The following NEGR1 variants were observed in gnomAD, a reference collection of about 807,000 sequenced individuals.
NEGR1 encodes the protein IgLON family member 4.
In NEGR1, 10 loss-of-function variants were observed where a neutral mutation model predicts 40.9. That is an observed-to-expected ratio of 0.24 (90% confidence interval 0.15 to 0.42). The LOEUF is 0.42. Among genes scored for constraint, NEGR1 ranks in the 10% least tolerant of loss-of-function variants. The probability of loss-of-function intolerance (pLI) is 1.00; values close to 1 mark genes in which losing one functional copy is unlikely to be tolerated. For missense variants in NEGR1, 352 were observed against 438.9 expected (o/e 0.80, Z 1.77); for synonymous variants, 185 against 166.8 (o/e 1.11, Z -0.84).
chr1:71,949,041 C>G (rs1337914438), intron 1 of NEGR1, among the ~76,000 whole-genome samples: 1 of 152,166 alleles, frequency 6.6e-6, no homozygotes, highest in East Asian at 1.9e-4. Flanking sequence ...ATGGCTTCTT[C>G]AAGGATATTG....
intron 1 of NEGR1, among the ~76,000 whole-genome samples, chr1:71,945,024 T>C (rs1646004898): frequency 6.6e-6 from 1 of 152,180 alleles, no homozygotes; most frequent in Non-Finnish European, 1.5e-5. Context: ...AATTAAACTT[T>C]ATATTTTTGA....
intron 6 of NEGR1, among the ~76,000 whole-genome samples, chr1:71,561,417 G>C (rs766037079): frequency 2.0e-5 from 3 of 151,534 alleles, no homozygotes; most frequent in Non-Finnish European, 4.4e-5. Flanking sequence ...GCTTAAAAGG[G>C]ATTTTTTTTG....
intron 2 of NEGR1, among the ~76,000 whole-genome samples, chr1:71,800,677 A>T (rs1657521806): frequency 1.3e-5 from 2 of 152,072 alleles, no homozygotes; most frequent in African/African-American, 4.8e-5. Flanking sequence ...CTTTGTTAAG[A>T]GAGGACTGTG....
chr1:72,157,080 A>G (rs1651388051), intron 1 of NEGR1, among the ~76,000 whole-genome samples: 1 of 152,000 alleles, frequency 6.6e-6, no homozygotes, highest in Non-Finnish European at 1.5e-5. Flanking sequence ...CTCCTACCTC[A>G]GCTTCCTGAG....
intron 5 of NEGR1, 82 bp downstream of exon 5, chr1:71,610,943 GA>G (rs1467116862): frequency 7.0e-7 from 1 of 1,424,588 alleles, no homozygotes; most frequent in Non-Finnish European, 9.7e-7. Flanking sequence ...GCCAGTTAAA[GA>G]AATTGCCTAA....
At chr1:72,041,546 C>A (rs973905075) in intron 1 of NEGR1, among the ~76,000 whole-genome samples, 1 of 150,464 alleles carries the variant, frequency 6.6e-6, no homozygotes, top group Non-Finnish European at 1.5e-5. Context: ...AACAACTGCA[C>A]CCCCACAAAG....
At chr1:72,011,270 C>G (rs1046134765) in intron 1 of NEGR1, among the ~76,000 whole-genome samples, 1 of 151,886 alleles carries the variant, frequency 6.6e-6, no homozygotes, top group Non-Finnish European at 1.5e-5. Context: ...AAGTTCATTA[C>G]CAGCAAGTGC....
chr1:72,068,092 C>T (rs2630381), intron 1 of NEGR1, among the ~76,000 whole-genome samples: 87,708 of 152,008 alleles, frequency 0.58, 25,555 homozygotes, highest in African/African-American at 0.65. Flanking sequence ...TAAAACACTA[C>T]ATTACTGTAA....
intron 6 of NEGR1, among the ~76,000 whole-genome samples, chr1:71,488,699 TTA>T (rs1447600146): frequency 2.0e-5 from 3 of 151,812 alleles, no homozygotes; most frequent in Non-Finnish European, 4.4e-5. Flanking sequence ...TTCTATTATA[TTA>T]TGAACAGATG....
chr1:71,605,303 C>T (rs1489253622), intron 5 of NEGR1, among the ~76,000 whole-genome samples: 1 of 151,914 alleles, frequency 6.6e-6, no homozygotes, highest in African/African-American at 2.4e-5. Context: ...TATCAGTTGC[C>T]TAAAAGCCTG....
chr1:72,185,920 A>T (rs998818177), intron 1 of NEGR1, among the ~76,000 whole-genome samples: 1 of 151,828 alleles, frequency 6.6e-6, no homozygotes, highest in Non-Finnish European at 1.5e-5. Context: ...TATAGGGGAA[A>T]ATACAAATGC....
intron 3 of NEGR1, among the ~76,000 whole-genome samples, chr1:71,743,075 C>A (rs989058094): frequency 6.6e-6 from 1 of 152,126 alleles, no homozygotes; most frequent in Non-Finnish European, 1.5e-5. Context: ...GGGAAGAGGG[C>A]CCTCACCAGG....
chr1:72,181,686 T>C (rs1652377464), intron 1 of NEGR1, among the ~76,000 whole-genome samples: 1 of 152,072 alleles, frequency 6.6e-6, no homozygotes, highest in Non-Finnish European at 1.5e-5. Context: ...CGTCTGTGGA[T>C]AGATGAATGG....
intron 2 of NEGR1, among the ~76,000 whole-genome samples, chr1:71,904,944 A>T (rs866374470): frequency 4.3e-4 from 66 of 152,248 alleles, no homozygotes; most frequent in African/African-American, 1.5e-3. Context: ...CAATACAGAC[A>T]CGTTAATCCA....
intron 6 of NEGR1, among the ~76,000 whole-genome samples, chr1:71,410,024 ATCT>A (rs1557516683): frequency 6.6e-6 from 1 of 152,060 alleles, no homozygotes; most frequent in Non-Finnish European, 1.5e-5. Context: ...GTGTAGCTGT[ATCT>A]TCTTCCACTC....
chr1:72,009,987 C>T (rs1456071497), intron 1 of NEGR1, among the ~76,000 whole-genome samples: 1 of 151,996 alleles, frequency 6.6e-6, no homozygotes, highest in Non-Finnish European at 1.5e-5. Context: ...ATAATCCCAG[C>T]TGTCAAAAAC....
At chr1:71,843,326 C>A (rs577674) in intron 2 of NEGR1, among the ~76,000 whole-genome samples, 7,193 of 152,180 alleles carry the variant, frequency 0.047, 360 homozygotes, top group African/African-American at 0.13. Context: ...AATTGAAAGG[C>A]AAGCCAATAA....
At chr1:72,213,961 C>T (rs981701183) in intron 1 of NEGR1, among the ~76,000 whole-genome samples, 1 of 151,952 alleles carries the variant, frequency 6.6e-6, no homozygotes, top group Non-Finnish European at 1.5e-5. Flanking sequence ...ATGAGAAAAT[C>T]CTCAATAAAA....
chr1:72,065,181 G>T (rs534536559), intron 1 of NEGR1, among the ~76,000 whole-genome samples: 2 of 152,022 alleles, frequency 1.3e-5, no homozygotes, highest in East Asian at 1.9e-4. Flanking sequence ...TTTTTTACTG[G>T]ACATCTTTAT....
Sources: gnomAD v4.1 joint callset for allele counts (sites outside exome capture counted in the v4.1 genomes callset) on GRCh38, gnomAD v4.1.1 for gene constraint, MANE v1.5 for transcripts, NCBI Gene and HGNC (gene_info 2026-07-23, HGNC 2026-07-21) for gene names.